The following GSK3B variants were observed in gnomAD, a reference collection of about 807,000 sequenced individuals.
GSK3B encodes the protein glycogen synthase kinase 3 beta.
A neutral mutation model predicts 56.4 loss-of-function variants in GSK3B; 15 were observed. The ratio of observed to expected loss-of-function variants is 0.27; its 90% CI spans 0.18 to 0.41. The LOEUF (loss-of-function observed/expected upper bound fraction) is 0.41, where lower values mean the gene tolerates loss of function less well. GSK3B is among the 10% of genes least tolerant of loss of function. The pLI, the probability that GSK3B is intolerant of heterozygous loss-of-function variation, is 1.00. For missense variants in GSK3B, 300 were observed against 513.4 expected (o/e 0.58, Z 4.02); for synonymous variants, 181 against 188.9 (o/e 0.96, Z 0.34).
At chr3:119,831,936 A>T (rs1314458554) in intron 10 of GSK3B, among the ~76,000 whole-genome samples, 1 of 152,192 alleles carries the variant, frequency 6.6e-6, no homozygotes, top group Non-Finnish European at 1.5e-5. Flanking sequence ...GAAGGAAAGG[A>T]AGGTACAAAA....
chr3:119,871,839 T>G (rs141403693), intron 8 of GSK3B, among the ~76,000 whole-genome samples: 237 of 152,238 alleles, frequency 1.6e-3, no homozygotes, highest in Middle Eastern at 3.4e-3. Context: ...CTCCAATACG[T>G]AGCCAACATA....
chr3:119,905,746 C>G lies in GSK3B; in HGVS notation c.813+9G>C. 7.0e-7 allele frequency: 1 copy of G among 1,425,728 alleles called. No homozygotes were observed. The highest frequency in any genetic ancestry group is 9.9e-7 in the Non-Finnish European group (1 of 1,008,354). 88.3% of individuals were successfully genotyped at this position (1,425,728 alleles called of 1,614,324 possible). On this transcript the variant is annotated intron_variant, in intron 7 of 10. Coordinates refer to ENST00000264235, the MANE Select transcript of GSK3B (RefSeq NM_001146156.2). Reference sequence around the variant, plus strand: ...TTCCAGTTCAAATATTCTGATTCAACCTTCTCACCTTGATTATTTCTACCA... The same window carrying G: ...TTCCAGTTCAAATATTCTGATTCAAGCTTCTCACCTTGATTATTTCTACCA...
rs560036612 is a variant in GSK3B at position 119,903,596 on chromosome 3, AGTT to A, written c.813+2156_813+2158del. 1.6e-4 allele frequency among the ~76,000 whole-genome samples: 24 copies of A among 152,360 alleles called. No homozygotes were observed. The South Asian group carries it at 5.0e-3, about 32-fold the overall frequency. On this transcript the variant is annotated intron_variant, in intron 7 of 10. Transcript: ENST00000264235. ...AAATGAATTACAAGGACTAACAAAA[AGTT>A]GTACAAACAAGCTCTAGACTTAAAG...
chr3:119,972,486 G>T (rs986830750), intron 2 of GSK3B, among the ~76,000 whole-genome samples: 6 of 152,088 alleles, frequency 3.9e-5, no homozygotes, highest in Non-Finnish European at 7.4e-5. Context: ...TCCAGCCTGG[G>T]GTACAGTGGT....
chr3:119,879,194 AT>A (rs1305980507), intron 7 of GSK3B, among the ~76,000 whole-genome samples: 7 of 152,048 alleles, frequency 4.6e-5, no homozygotes, highest in Non-Finnish European at 1.0e-4. Context: ...ATATTTATTT[AT>A]TTAGAGACGG....
intron 1 of GSK3B, among the ~76,000 whole-genome samples, chr3:120,089,864 T>C (rs181123471): frequency 2.7e-3 from 416 of 152,252 alleles, no homozygotes; most frequent in Non-Finnish European, 3.4e-3. Context: ...AAATGAAACA[T>C]TGGTTTCACT....
At chr3:120,056,960 T>C (rs1260644588) in intron 1 of GSK3B, among the ~76,000 whole-genome samples, 1 of 152,058 alleles carries the variant, frequency 6.6e-6, no homozygotes, top group Non-Finnish European at 1.5e-5. Context: ...CTGGCCATAA[T>C]GGCAAAACCT....
At chr3:119,832,962 T>C (rs1407888558) in intron 10 of GSK3B, 11 of 982,568 alleles carry the variant, frequency 1.1e-5, no homozygotes, top group Non-Finnish European at 6.0e-6. Context: ...GTTTTGTTTG[T>C]TTGTTTTTTT....
At chr3:120,026,621 A>T (rs895577755) in intron 1 of GSK3B, among the ~76,000 whole-genome samples, 1 of 150,712 alleles carries the variant, frequency 6.6e-6, no homozygotes, top group Middle Eastern at 3.4e-3. Flanking sequence ...GCTAGAGGGC[A>T]ATCTCGGCTC....
At chr3:119,953,831 TACC>T (rs1463910057) in intron 2 of GSK3B, among the ~76,000 whole-genome samples, 2 of 152,208 alleles carry the variant, frequency 1.3e-5, no homozygotes, top group African/African-American at 4.8e-5. Flanking sequence ...ATTTAACTTT[TACC>T]TTTTTAACGA....
chr3:119,944,299 G>A (rs1464734720), intron 3 of GSK3B, among the ~76,000 whole-genome samples: 1 of 151,978 alleles, frequency 6.6e-6, no homozygotes, highest in African/African-American at 2.4e-5. Flanking sequence ...TCTTCATGGA[G>A]GGTTTCTTTT....
chr3:119,958,900 C>T (rs972781325), intron 2 of GSK3B, among the ~76,000 whole-genome samples: 2 of 152,028 alleles, frequency 1.3e-5, no homozygotes, highest in African/African-American at 2.4e-5. Flanking sequence ...AACTAAAACT[C>T]GAAAATTCTC....
Position 120,002,251 on chromosome 3 carries a change from A to C in GSK3B, c.89-12T>G. On this transcript the variant is annotated splice_polypyrimidine_tract_variant and intron_variant, in intron 1 of 10. Transcript: ENST00000264235. ...GCCGTCCTTGTCTCCTAAAGGAAGA[A>C]AGGAAATTTTTTTTTCACGAGAACT... 6.7e-7 allele frequency: 1 copy of C among 1,503,004 alleles called. No homozygotes were observed. The allele number at this position is 1,503,004 out of a possible 1,614,324, so 93.1% of individuals were successfully genotyped here. A position where few individuals can be genotyped will look rare whatever the true frequency, so the allele number is the denominator to read the frequency against.
At chr3:119,986,923 A>G in intron 2 of GSK3B, among the ~76,000 whole-genome samples, 1 of 152,178 alleles carries the variant, frequency 6.6e-6, no homozygotes, top group East Asian at 1.9e-4. Flanking sequence ...CTTGGAACCA[A>G]CGCAAATGTC....
intron 1 of GSK3B, among the ~76,000 whole-genome samples, chr3:120,078,545 CT>C (rs66489313): frequency 0.24 from 33,813 of 140,522 alleles, 3,829 homozygotes; most frequent in East Asian, 0.47. Flanking sequence ...AACTTCTCCT[CT>C]TTTTTTTTTT....
At chr3:120,011,829 CCATT>C (rs1435940787) in intron 1 of GSK3B, among the ~76,000 whole-genome samples, 3 of 152,060 alleles carry the variant, frequency 2.0e-5, no homozygotes, top group African/African-American at 4.8e-5. Context: ...AAGAACAATC[CCATT>C]CATTGTTTCA....
chr3:119,972,571 GACT>G, intron 2 of GSK3B, among the ~76,000 whole-genome samples: 1 of 152,084 alleles, frequency 6.6e-6, no homozygotes, highest in Non-Finnish European at 1.5e-5. Context: ...GAGTAGCTGG[GACT>G]ACAGGTGCCT....
chr3:120,010,974 A>T (rs1435346714), intron 1 of GSK3B, among the ~76,000 whole-genome samples: 1 of 152,184 alleles, frequency 6.6e-6, no homozygotes, highest in African/African-American at 2.4e-5. Flanking sequence ...AGGCTGAGGC[A>T]CAAGAATCCC....
At chr3:119,985,429 T>C (rs936427278) in intron 2 of GSK3B, among the ~76,000 whole-genome samples, 7 of 152,190 alleles carry the variant, frequency 4.6e-5, no homozygotes, top group Non-Finnish European at 7.4e-5. Flanking sequence ...ATTGTATATT[T>C]GGAAAACTCC....
Sources: allele counts gnomAD v4.1 joint callset (sites outside exome capture counted in the v4.1 genomes callset), GRCh38; gene constraint gnomAD v4.1.1; transcripts MANE v1.5; gene names NCBI Gene and HGNC (gene_info 2026-07-23, HGNC 2026-07-21).